Variants in ARL15 observed in about 807,000 individuals in gnomAD.
The protein encoded by ARL15 is ARF like GTPase 15, also known as ADP-ribosylation factor-like protein 15.
ARL15 carries 19 observed loss-of-function variants against 25.2 expected under a neutral mutation model. The observed-to-expected ratio is 0.75, with a 90% CI of 0.53 to 1.10. The LOEUF (loss-of-function observed/expected upper bound fraction) is 1.10. Ranked by LOEUF, ARL15 falls within the 50% of genes least tolerant of loss-of-function variation. ARL15 has a pLI of 0.00. For synonymous variants in ARL15, 94 were observed against 86.8 expected, an observed-to-expected ratio of 1.08 and a Z score of -0.46; for missense variants, 220 against 246.0, an observed-to-expected ratio of 0.89 and a Z score of 0.71.
At chr5:53,971,266 C>T (rs1461712394) in intron 4 of ARL15, among the ~76,000 whole-genome samples, 2 of 152,098 alleles carry the variant, frequency 1.3e-5, no homozygotes, top group African/African-American at 4.8e-5. Flanking sequence ...AGATGTTAGA[C>T]AGACTATCCA....
chr5:54,175,722 C>T (rs1754853500), intron 1 of ARL15, among the ~76,000 whole-genome samples: 1 of 150,924 alleles, frequency 6.6e-6, no homozygotes, highest in African/African-American at 2.4e-5. Flanking sequence ...GTGCAATCTC[C>T]ACTCACTGCA....
At chr5:54,033,219 A>T (rs1750048956) in intron 4 of ARL15, among the ~76,000 whole-genome samples, 1 of 152,066 alleles carries the variant, frequency 6.6e-6, no homozygotes, top group Non-Finnish European at 1.5e-5. Flanking sequence ...AGGCTGAGGC[A>T]GGAGAATGGC....
chr5:53,900,885 A>G (rs1265334371), intron 4 of ARL15, among the ~76,000 whole-genome samples: 1 of 152,190 alleles, frequency 6.6e-6, no homozygotes, highest in African/African-American at 2.4e-5. Flanking sequence ...AAAGTAAACA[A>G]CCTATCCTGG....
At chr5:54,087,166 C>T (rs1230790981) in intron 4 of ARL15, among the ~76,000 whole-genome samples, 3 of 151,968 alleles carry the variant, frequency 2.0e-5, no homozygotes, top group African/African-American at 7.2e-5. Flanking sequence ...GAAACCCCGT[C>T]GCTACTAAAA....
chr5:53,908,239 T>G (rs1436984227), intron 4 of ARL15, among the ~76,000 whole-genome samples: 1 of 152,190 alleles, frequency 6.6e-6, no homozygotes. Flanking sequence ...TAGGCATGTA[T>G]ATATAGGAAA....
intron 4 of ARL15, 153 bp downstream of exon 4, chr5:54,113,049 A>G (rs1019556711): frequency 1.4e-6 from 1 of 720,166 alleles, no homozygotes; most frequent in Non-Finnish European, 2.3e-6. Context: ...TAACAGATTG[A>G]TATAGGCTTT....
chr5:54,143,784 C>T (rs538455100), intron 3 of ARL15, among the ~76,000 whole-genome samples: 12 of 151,918 alleles, frequency 7.9e-5, no homozygotes, highest in Admixed American at 5.9e-4. Flanking sequence ...TATTTGATCC[C>T]GGTGAACTCT....
intron 4 of ARL15, among the ~76,000 whole-genome samples, chr5:53,987,458 T>G (rs1406562856): frequency 1.4e-5 from 2 of 139,466 alleles, no homozygotes. Context: ...TGGGCTTCCA[T>G]CCACAAACCC....
intron 3 of ARL15, among the ~76,000 whole-genome samples, chr5:54,140,413 T>TAGAC (rs1329344762): frequency 9.6e-5 from 13 of 134,968 alleles, no homozygotes; most frequent in East Asian, 6.4e-4. Context: ...CGTGTGTGGA[T>TAGAC]AGACAGATAG....
At chr5:53,982,414 CTA>C (rs1748153581) in intron 4 of ARL15, among the ~76,000 whole-genome samples, 1 of 150,846 alleles carries the variant, frequency 6.6e-6, no homozygotes, top group African/African-American at 2.4e-5. Flanking sequence ...CAACTCCCAC[CTA>C]TGAGTGAGAA....
At chr5:53,926,807 T>C (rs1326240662) in intron 4 of ARL15, among the ~76,000 whole-genome samples, 1 of 152,066 alleles carries the variant, frequency 6.6e-6, no homozygotes, top group Admixed American at 6.6e-5. Context: ...ACCTATGAAA[T>C]AGGTTTCCAA....
At chr5:54,305,402 A>C (rs569342255) in intron 1 of ARL15, among the ~76,000 whole-genome samples, 1 of 152,226 alleles carries the variant, frequency 6.6e-6, no homozygotes, top group East Asian at 1.9e-4. Flanking sequence ...TAGGAGGCTG[A>C]GACAGGAGAA....
At chr5:54,051,764 T>C (rs550451495) in intron 4 of ARL15, among the ~76,000 whole-genome samples, 1 of 152,192 alleles carries the variant, frequency 6.6e-6, no homozygotes, top group Non-Finnish European at 1.5e-5. Context: ...TTCTTACAAA[T>C]ACGACCCAAC....
intron 4 of ARL15, among the ~76,000 whole-genome samples, chr5:53,957,246 A>T (rs543229496): frequency 1.6e-4 from 24 of 152,334 alleles, no homozygotes; most frequent in African/African-American, 5.5e-4. Flanking sequence ...AGTGAGCTTC[A>T]ATAAGACTAA....
intron 4 of ARL15, among the ~76,000 whole-genome samples, chr5:53,937,939 G>A (rs900507634): frequency 6.6e-6 from 1 of 152,032 alleles, no homozygotes; most frequent in African/African-American, 2.4e-5. Flanking sequence ...TCACCACTCT[G>A]GGGTAAACAA....
intron 4 of ARL15, among the ~76,000 whole-genome samples, chr5:54,021,678 G>A (rs1360877157): frequency 6.6e-6 from 1 of 152,044 alleles, no homozygotes; most frequent in East Asian, 1.9e-4. Flanking sequence ...GTTTCAGAGG[G>A]AAAAAAGAAA....
chr5:53,922,154 T>C (rs1490794671), intron 4 of ARL15, among the ~76,000 whole-genome samples: 2 of 152,218 alleles, frequency 1.3e-5, no homozygotes, highest in Admixed American at 1.3e-4. Flanking sequence ...AAAGACTGTC[T>C]TCTGGTATGC....
chr5:54,223,592 T>C (rs947997481), intron 1 of ARL15, among the ~76,000 whole-genome samples: 15 of 152,328 alleles, frequency 9.8e-5, no homozygotes, highest in Admixed American at 5.9e-4. Context: ...CAGATAACCT[T>C]GGTAACAGCA....
At chr5:54,231,775 G>A (rs1190139796) in intron 1 of ARL15, among the ~76,000 whole-genome samples, 1 of 152,170 alleles carries the variant, frequency 6.6e-6, no homozygotes, top group Non-Finnish European at 1.5e-5. Context: ...AGTGTGGAGA[G>A]TGAGGGAGCT....
Sources: gnomAD v4.1 joint callset for allele counts (sites outside exome capture counted in the v4.1 genomes callset) on GRCh38, gnomAD v4.1.1 for gene constraint, MANE v1.5 for transcripts, NCBI Gene and HGNC (gene_info 2026-07-23, HGNC 2026-07-21) for gene names.